ADGRA1: variants seen among roughly 807,000 people sequenced by gnomAD.
The protein encoded by ADGRA1 is adhesion G protein-coupled receptor A1.
ADGRA1 carries 12 observed loss-of-function variants against 21.3 expected under a neutral mutation model. That is an observed-to-expected ratio of 0.56 (90% CI 0.36 to 0.91). The LOEUF (loss-of-function observed/expected upper bound fraction) is 0.91, where lower values mean the gene tolerates loss of function less well. ADGRA1 is among the 40% of genes least tolerant of loss of function. The pLI, the probability that ADGRA1 is intolerant of heterozygous loss-of-function variation, is 0.01. For synonymous variants in ADGRA1, 385 were observed against 368.8 expected, an observed-to-expected ratio of 1.04 and a Z score of -0.50; for missense variants, 790 against 805.6, an observed-to-expected ratio of 0.98 and a Z score of 0.23.
chr10:133,112,135 T>C (rs1292018801), intron 5 of ADGRA1, among the ~76,000 whole-genome samples: 1 of 152,136 alleles, frequency 6.6e-6, no homozygotes, highest in East Asian at 1.9e-4. Flanking sequence ...TTCCACATTT[T>C]CTGCTCCCTT....
chr10:133,119,917 T>C (rs554460036), intron 5 of ADGRA1, among the ~76,000 whole-genome samples: 17 of 152,346 alleles, frequency 1.1e-4, no homozygotes, highest in Non-Finnish European at 1.8e-4. Context: ...TTGAGCATCA[T>C]TCTTAAAGGC....
intron 4 of ADGRA1, among the ~76,000 whole-genome samples, chr10:133,101,408 G>T (rs1851792190): frequency 6.6e-6 from 1 of 152,242 alleles, no homozygotes; most frequent in African/African-American, 2.4e-5. Flanking sequence ...CCTGGGTCCG[G>T]CGGGGTGGGG....
At chr10:133,107,397 T>TAA (rs1246699074) in intron 5 of ADGRA1, among the ~76,000 whole-genome samples, 104 of 152,356 alleles carry the variant, frequency 6.8e-4, no homozygotes, top group Admixed American at 5.0e-3. Flanking sequence ...CTTTTTTTTC[T>TAA]TTGTCGGTCT....
At chr10:133,104,796 A>G (rs1851863693) in intron 5 of ADGRA1, among the ~76,000 whole-genome samples, 1 of 152,004 alleles carries the variant, frequency 6.6e-6, no homozygotes, top group Non-Finnish European at 1.5e-5. Context: ...GTGCAGACTC[A>G]GGAGTGGTGG....
rs1341660764 is a variant in ADGRA1, at chr10:133,100,590, C to T, written c.255+1827C>T. On this transcript the variant is annotated intron_variant, in intron 4 of 6. Transcript: ENST00000392607. ...AGGTCTGGAAGGTTCCAGAGGGTTG[C>T]AATCTTGGAGGAGATCTTGTTAAGG... is the stretch of plus-strand genomic sequence containing the variant. 2.6e-5 allele frequency among the ~76,000 whole-genome samples: 4 copies of T among 152,198 alleles called. No homozygotes were observed. The East Asian group carries it at 7.7e-4, about 29-fold the overall frequency.
At position 133,128,605 on chromosome 10, in the gene ADGRA1, C is replaced by T. The variant is rs767288182; in HGVS notation, c.777C>T (p.Ala259=). ...EHSFQAQLRA[A]AFTLFLFTAT... Reference sequence around the variant, plus strand: ...CATTCCAGGCACAGCTGCGCGCCGCCGCCTTCACGCTGTTCCTGTTCACGG... The same window carrying T: ...CATTCCAGGCACAGCTGCGCGCCGCTGCCTTCACGCTGTTCCTGTTCACGG... Residue 259 remains alanine (A), a synonymous_variant, in exon 7 of 7, where the codon GCC becomes GCT. Transcript: ENST00000392607. 6.2e-6 allele frequency: 10 copies of T among 1,600,354 alleles called. No individual in the cohort carries two copies. The highest frequency in any genetic ancestry group is 5.6e-5 in the South Asian group (5 of 89,650).
intron 5 of ADGRA1, among the ~76,000 whole-genome samples, chr10:133,123,362 G>A (rs1342641390): frequency 1.3e-5 from 2 of 152,242 alleles, no homozygotes; most frequent in Admixed American, 6.5e-5. Context: ...GAGCGGCAGA[G>A]ACTTTCCCTT....
intron 5 of ADGRA1, among the ~76,000 whole-genome samples, chr10:133,118,883 CAT>C (rs1012857686): frequency 6.6e-6 from 1 of 151,786 alleles, no homozygotes; most frequent in South Asian, 2.1e-4. Context: ...CACATGCACT[CAT>C]ACACTTACAC....
chr10:133,098,564 G>T, intron 3 of ADGRA1, 76 bp from the exon 4 acceptor site: 1 of 1,526,748 alleles, frequency 6.5e-7, no homozygotes, highest in South Asian at 1.2e-5. Flanking sequence ...CAGAGCCTGC[G>T]CCCCAGGGGG....
rs1564848881 is a variant in ADGRA1, at chr10:133,111,174, CGTGAGCA to C, written c.401+8333_401+8339del. Among the ~76,000 whole-genome samples, 37 of 52,154 alleles carry C rather than the reference CGTGAGCA, an allele frequency of 7.1e-4. 7 individuals are homozygous for C. The highest frequency in any genetic ancestry group is 3.6e-3 in the African/African-American group (31 of 8,524). 34.2% of individuals were successfully genotyped at this position (52,154 alleles called of 152,430 possible). A position where few individuals can be genotyped will look rare whatever the true frequency, so the allele number is the denominator to read the frequency against. On this transcript the variant is annotated intron_variant, in intron 5 of 6. Transcript: ENST00000392607. Reference sequence around the variant, plus strand: ...TAATCCCACCAGACCACCTGCCCGCCGTGAGCACCTCCCTCCTAATCCCTCCAGACAA... The same window carrying C: ...TAATCCCACCAGACCACCTGCCCGCCCCTCCCTCCTAATCCCTCCAGACAA...
rs202114262 is a variant in ADGRA1, at chr10:133,128,543, G to A, written c.715G>A (p.Asp239Asn). The A allele has an allele frequency of 7.7e-6, 12 of 1,551,068 alleles. No homozygotes were observed. The East Asian group carries it at 9.7e-5, about 13-fold the overall frequency. The change falls in exon 7 of 7, where the codon GAT (aspartate) becomes AAT (asparagine). Residue 239 changes from aspartate to asparagine, a missense_variant. By Grantham distance (23) the Asp-to-Asn change is conservative. Transcript: ENST00000392607. Reference sequence around the variant, plus strand: ...CCGGCCAGGCACCCCACCCGCACACGATGCCCCCGGCGCCTCCGTGCTGCA... The same window carrying A: ...CCGGCCAGGCACCCCACCCGCACACAATGCCCCCGGCGCCTCCGTGCTGCA... The part of the protein sequence containing the change: ...GIRPGTPPAH[D>N]APGASVLQNE...
chr10:133,123,686 C>T (rs1178225534), intron 5 of ADGRA1, among the ~76,000 whole-genome samples: 5 of 149,148 alleles, frequency 3.4e-5, no homozygotes, highest in East Asian at 2.0e-4. Flanking sequence ...GCTGGGCCGA[C>T]GTCGAGTTGT....
chr10:133,108,261 C>T (rs1456160577), intron 5 of ADGRA1, among the ~76,000 whole-genome samples: 1 of 152,238 alleles, frequency 6.6e-6, no homozygotes, highest in Non-Finnish European at 1.5e-5. Flanking sequence ...GCCTCGGGGC[C>T]TCCTGTGGGT....
At chr10:133,117,221 T>G (rs1301234701) in intron 5 of ADGRA1, among the ~76,000 whole-genome samples, 1 of 151,978 alleles carries the variant, frequency 6.6e-6, no homozygotes, top group Non-Finnish European at 1.5e-5. Context: ...TGTCTGTGAG[T>G]GGACAGAGGG....
chr10:133,088,544 TCCCCACCGGCACCGCCTCCGCCAG>T (rs1564841344), intron 1 of ADGRA1, 140 bp from the exon 2 acceptor site: 3 of 291,884 alleles, frequency 1.0e-5, no homozygotes, highest in Non-Finnish European at 1.8e-5. Context: ...CCCCCACCGG[TCCCCACCGGCACCGCCTCCGCCAG>T]CCCCAGGCGC....
chr10:133,130,873 T>G lies in ADGRA1; in HGVS notation c.*1362T>G, dbSNP rs1852511097. ...ACGCACACACACAAACACGTGCATA[T>G]CACACACAAACACACGTGCACACAT... On this transcript the variant is annotated 3_prime_UTR_variant, in exon 7 of 7. Coordinates refer to ENST00000392607, the MANE Select transcript of ADGRA1 (RefSeq NM_001083909.3). 6.7e-6 allele frequency: 1 copy of G among 150,042 alleles called. No individual in the cohort carries two copies. Among genetic ancestry groups the G allele is most frequent in the South Asian group, 2.1e-4 (1 of 4,764 alleles). 9.3% of individuals were successfully genotyped at this position (150,042 alleles called of 1,614,324 possible).
rs1011487819 is a variant in ADGRA1, at chr10:133,124,327, G to C, written c.402-2906G>C. On this transcript the variant is annotated intron_variant, in intron 5 of 6. Coordinates refer to ENST00000392607, the MANE Select transcript of ADGRA1 (RefSeq NM_001083909.3). ...GAGCAATGTGCTCTGCCGTGAGTCA[G>C]CTCCCGCTTTGCCCCTCCGGACACC... Among the ~76,000 whole-genome samples, 4 of 152,342 alleles carry C rather than the reference G, an allele frequency of 2.6e-5. No homozygotes were observed. In the South Asian group the frequency reaches 8.3e-4, roughly 32 times the overall value.
Position 133,127,282 on chromosome 10 carries a change from G to T in ADGRA1, c.451G>T (p.Ala151Ser). Residue 151 changes from alanine (A) to serine (S), a missense_variant, in exon 6 of 7, where the codon GCT becomes TCT. Physicochemically the swap from Ala to Ser is moderately conservative, Grantham distance 99 (BLOSUM62 1). Coordinates refer to ENST00000392607, the MANE Select transcript of ADGRA1 (RefSeq NM_001083909.3). ...GVPFIICGVT[A>S]ATNIRNYGTE... ...CCCCTTTATCATCTGTGGGGTCACG[G>T]CTGCCACGAACATCAGGAATTACGG... The T allele has an allele frequency of 1.2e-6, 2 of 1,600,096 alleles. No homozygotes were observed. Among genetic ancestry groups the T allele is most frequent in the Non-Finnish European group, 1.7e-6 (2 of 1,174,646 alleles).
chr10:133,127,284 T>C lies in ADGRA1; in HGVS notation c.453T>C (p.Ala151=), dbSNP rs2135910991. ...GVPFIICGVT[A]ATNIRNYGTE... ...CCTTTATCATCTGTGGGGTCACGGC[T>C]GCCACGAACATCAGGAATTACGGGA... is the stretch of plus-strand genomic sequence containing the variant. The change falls in exon 6 of 7, where the codon GCT becomes GCC. Residue 151 remains alanine (A), a synonymous_variant. Transcript: ENST00000392607. The C allele has an allele frequency of 6.2e-7, 1 of 1,600,172 alleles. No individual in the cohort carries two copies.
Sources: gnomAD v4.1 joint callset for allele counts (sites outside exome capture counted in the v4.1 genomes callset) on GRCh38, gnomAD v4.1.1 for gene constraint, MANE v1.5 for transcripts, NCBI Gene and HGNC (gene_info 2026-07-23, HGNC 2026-07-21) for gene names.